The following PTPRN2 variants were observed in gnomAD, a reference collection of about 807,000 sequenced individuals.
PTPRN2 encodes receptor-type tyrosine-protein phosphatase N2.
In PTPRN2, 74 loss-of-function variants were observed where a neutral mutation model predicts 118.8. The ratio of observed to expected loss-of-function variants is 0.62; its 90% CI spans 0.52 to 0.76. The LOEUF is 0.76. Among genes scored for constraint, PTPRN2 ranks in the 30% least tolerant of loss-of-function variants. The pLI is 0.00. For synonymous variants in PTPRN2, 641 were observed against 608.0 expected (o/e 1.05, Z -0.80); for missense variants, 1,481 against 1,394.4 (o/e 1.06, Z -0.99).
chr7:158,458,834 C>T (rs971642117), intron 2 of PTPRN2, among the ~76,000 whole-genome samples: 1 of 152,230 alleles, frequency 6.6e-6, no homozygotes, highest in Non-Finnish European at 1.5e-5. Flanking sequence ...AGAGTGAGAC[C>T]TCAGCACACT....
intron 12 of PTPRN2, among the ~76,000 whole-genome samples, chr7:157,710,036 C>T (rs925315665): frequency 3.9e-5 from 6 of 152,070 alleles, no homozygotes; most frequent in Admixed American, 6.5e-5. Flanking sequence ...CTGTGGGGGT[C>T]GGACGCATGG....
At chr7:157,754,608 G>A (rs1801673415) in intron 12 of PTPRN2, among the ~76,000 whole-genome samples, 2 of 152,256 alleles carry the variant, frequency 1.3e-5, no homozygotes, top group African/African-American at 2.4e-5. Flanking sequence ...ACCTTTGGAG[G>A]AGGCCGAGGC....
chr7:157,685,001 T>G (rs954557662), intron 12 of PTPRN2, among the ~76,000 whole-genome samples: 43 of 151,852 alleles, frequency 2.8e-4, no homozygotes, highest in Admixed American at 2.8e-3. Flanking sequence ...CATGTTCGCC[T>G]GCGGGGCCGC....
chr7:158,404,966 C>T (rs1348471249), intron 2 of PTPRN2, among the ~76,000 whole-genome samples: 1 of 144,596 alleles, frequency 6.9e-6, no homozygotes, highest in Non-Finnish European at 1.5e-5. Flanking sequence ...GCTCCCTGGC[C>T]TCCAGCTCCT....
At chr7:158,407,340 CGTCCTGGGTCCTGG>C (rs1813627254) in intron 2 of PTPRN2, among the ~76,000 whole-genome samples, 6 of 30,896 alleles carry the variant, frequency 1.9e-4, no homozygotes, top group Admixed American at 4.9e-4. Context: ...CTGGGTCCTG[CGTCCTGGGTCCTGG>C]GTCCTGCGTC....
Position 158,477,807 on chromosome 7 carries a change from C to T in PTPRN2, c.163+11928G>A, listed in dbSNP as rs74900035. ...GCCTGGCCTGGGATGTGGATAGGCC[C>T]CCTGCTGCCTTTCTGGAAAAAGCAA... On this transcript the variant is annotated intron_variant, in intron 2 of 22. Coordinates refer to ENST00000389418, the MANE Select transcript of PTPRN2 (RefSeq NM_002847.5). Among the ~76,000 whole-genome samples the T allele has an allele frequency of 4.8e-3, 729 of 152,340 alleles. 7 individuals are homozygous for T. The highest frequency in any genetic ancestry group is 0.017 in the African/African-American group (697 of 41,586).
At chr7:158,329,632 G>C (rs543107012) in intron 2 of PTPRN2, among the ~76,000 whole-genome samples, 8 of 152,298 alleles carry the variant, frequency 5.3e-5, no homozygotes, top group African/African-American at 1.9e-4. Context: ...AGAAATCAAT[G>C]TCTGCTGTTT....
At chr7:158,556,734 C>A (rs531593953) in intron 1 of PTPRN2, among the ~76,000 whole-genome samples, 105 of 150,062 alleles carry the variant, frequency 7.0e-4, no homozygotes, top group African/African-American at 2.4e-3. Context: ...TCAGGCGGCT[C>A]CCGGGCAGGT....
intron 11 of PTPRN2, among the ~76,000 whole-genome samples, chr7:157,939,748 GA>G (rs1416555680): frequency 6.6e-6 from 1 of 152,236 alleles, no homozygotes; most frequent in African/African-American, 2.4e-5. Context: ...GGGCTTTTAA[GA>G]TGTGTTTGCC....
chr7:158,364,733 G>A (rs1300210163), intron 2 of PTPRN2, among the ~76,000 whole-genome samples: 3 of 152,140 alleles, frequency 2.0e-5, no homozygotes, highest in Non-Finnish European at 4.4e-5. Flanking sequence ...TGTTTGTGGG[G>A]CATCGTCTAT....
intron 10 of PTPRN2, among the ~76,000 whole-genome samples, chr7:158,087,096 G>A (rs143250382): frequency 1.2e-3 from 180 of 152,316 alleles, no homozygotes; most frequent in African/African-American, 4.2e-3. Flanking sequence ...ATGCGACAGG[G>A]TTCCCTCTGA....
intron 17 of PTPRN2, among the ~76,000 whole-genome samples, chr7:157,582,887 C>CA (rs1800474278): frequency 6.8e-6 from 1 of 147,978 alleles, no homozygotes; most frequent in Non-Finnish European, 1.5e-5. Context: ...AAAAAAAAAA[C>CA]AAAACAAAAA....
intron 9 of PTPRN2, among the ~76,000 whole-genome samples, chr7:158,126,626 G>C (rs112725037): frequency 3.4e-5 from 3 of 88,596 alleles, no homozygotes; most frequent in South Asian, 5.1e-4. Context: ...AGCCCCCGGA[G>C]AGCGGGCGGC....
chr7:157,977,888 AG>A lies in PTPRN2; in HGVS notation c.1724-79152del, dbSNP rs991620555. ...GGGACAAGAGTCGTGGCTGAGGAGGAGGGAAGGAGGTCAGCTTCCCGATGTG... is the reference window on the plus strand; with the variant it reads ...GGGACAAGAGTCGTGGCTGAGGAGGAGGAAGGAGGTCAGCTTCCCGATGTG... On this transcript the variant is annotated intron_variant, in intron 11 of 22. Coordinates refer to ENST00000389418, the MANE Select transcript of PTPRN2 (RefSeq NM_002847.5). The surrounding 1 kb of genome is among the most constrained non-coding windows in gnomAD (Gnocchi z 4.6). Among the ~76,000 whole-genome samples, 1 of 151,712 alleles carries A rather than the reference AG, an allele frequency of 6.6e-6. No individual in the cohort carries two copies. Among genetic ancestry groups the A allele is most frequent in the Non-Finnish European group, 1.5e-5 (1 of 67,872 alleles).
intron 12 of PTPRN2, among the ~76,000 whole-genome samples, chr7:157,819,905 C>T (rs1009521362): frequency 6.6e-6 from 1 of 151,558 alleles, no homozygotes. Context: ...CTTATGTGCA[C>T]ACACACAACA....
chr7:157,692,378 G>A lies in PTPRN2; in HGVS notation c.1789-9441C>T, dbSNP rs75007459. Reference sequence around the variant, plus strand: ...TCTGGCGCTGCCCCTAGACCTGCTCGGTGCAGAGGGCCTTGCCTGGCGCTT... The same window carrying A: ...TCTGGCGCTGCCCCTAGACCTGCTCAGTGCAGAGGGCCTTGCCTGGCGCTT... On this transcript the variant is annotated intron_variant, in intron 12 of 22. Coordinates refer to ENST00000389418, the MANE Select transcript of PTPRN2 (RefSeq NM_002847.5). Among the ~76,000 whole-genome samples, 122 of 152,332 alleles carry A rather than the reference G, an allele frequency of 8.0e-4. 2 individuals carry two copies. Among genetic ancestry groups the A allele is most frequent in the African/African-American group, 2.7e-3 (113 of 41,590 alleles).
At chr7:158,271,622 G>A (rs1798521000) in intron 3 of PTPRN2, among the ~76,000 whole-genome samples, 2 of 152,190 alleles carry the variant, frequency 1.3e-5, no homozygotes, top group South Asian at 4.1e-4. Context: ...TCACTTGATA[G>A]GTGTCTCAGC....
intron 9 of PTPRN2, among the ~76,000 whole-genome samples, chr7:158,126,056 C>T (rs1299457311): frequency 6.9e-6 from 1 of 145,666 alleles, no homozygotes; most frequent in Admixed American, 6.8e-5. Context: ...CACCAGCCCC[C>T]AGGACAGCGG....
At chr7:158,140,852 A>G (rs191455241) in intron 6 of PTPRN2, among the ~76,000 whole-genome samples, 8 of 152,328 alleles carry the variant, frequency 5.3e-5, no homozygotes, top group Admixed American at 1.3e-4. Context: ...AAGAAGGTTC[A>G]TGGGCCCATT....
Sources: allele counts gnomAD v4.1 joint callset (sites outside exome capture counted in the v4.1 genomes callset), GRCh38; gene constraint gnomAD v4.1.1; non-coding constraint Gnocchi (gnomAD v3.1); transcripts MANE v1.5; gene names NCBI Gene and HGNC (gene_info 2026-07-23, HGNC 2026-07-21).